RERE: variants seen among roughly 807,000 people sequenced by gnomAD.
RERE encodes arginine-glutamic acid dipeptide repeats, also known as arginine-glutamic acid dipeptide repeats protein.
A neutral mutation model predicts 146.1 loss-of-function variants in RERE; 40 were observed. That is an observed-to-expected ratio of 0.27 (90% CI 0.21 to 0.36). RERE has a LOEUF of 0.36. Among genes scored for constraint, RERE ranks in the 10% least tolerant of loss-of-function variants. The pLI, the probability that RERE is intolerant of heterozygous loss-of-function variation, is 1.00. For missense variants in RERE, 1,933 were observed against 2,138.7 expected (o/e 0.90, Z 1.90); for synonymous variants, 1,003 against 866.0 (o/e 1.16, Z -2.78).
intron 1 of RERE, among the ~76,000 whole-genome samples, chr1:8,667,021 C>G (rs1255250190): frequency 6.6e-6 from 1 of 152,204 alleles, no homozygotes; most frequent in East Asian, 1.9e-4. Flanking sequence ...TTTGTGGTAT[C>G]AGAGCAGAAG....
intron 12 of RERE, among the ~76,000 whole-genome samples, chr1:8,378,141 C>T (rs1259933279): frequency 2.0e-5 from 3 of 152,124 alleles, no homozygotes; most frequent in African/African-American, 4.8e-5. Context: ...ATAAAAGGAG[C>T]GGAAACAAAA....
At chr1:8,610,862 CT>C (rs1448964195) in intron 4 of RERE, among the ~76,000 whole-genome samples, 1 of 150,924 alleles carries the variant, frequency 6.6e-6, no homozygotes, top group African/African-American at 2.4e-5. Context: ...AAAAAGTTCC[CT>C]AATGGAAAAT....
At chr1:8,739,997 T>C (rs763068048) in intron 1 of RERE, among the ~76,000 whole-genome samples, 95 of 152,208 alleles carry the variant, frequency 6.2e-4, no homozygotes, top group Admixed American at 1.4e-3. Context: ...CTTCCTTCTT[T>C]CCCCTATTGC....
rs868022464 is a variant in RERE at position 8,731,960 on chromosome 1, G to A, written c.-144-75519C>T. On this transcript the variant is annotated intron_variant, in intron 1 of 22. Transcript: ENST00000400908. Reference sequence around the variant, plus strand: ...TGGGACTACAGGCACACACTGCCACGCCCGGCTAATTTTTTTGTATTTTTA... The same window carrying A: ...TGGGACTACAGGCACACACTGCCACACCCGGCTAATTTTTTTGTATTTTTA... Among the ~76,000 whole-genome samples the A allele has an allele frequency of 3.9e-5, 6 of 152,120 alleles. No homozygotes were observed. The East Asian group carries it at 7.7e-4, about 20-fold the overall frequency.
At chr1:8,797,984 C>T (rs1340121924) in intron 1 of RERE, among the ~76,000 whole-genome samples, 3 of 152,184 alleles carry the variant, frequency 2.0e-5, no homozygotes, top group Non-Finnish European at 4.4e-5. Context: ...CTAGGCCAGG[C>T]GCAGTGGCTC....
intron 18 of RERE, 37 bp from the exon 19 acceptor site, chr1:8,360,023 C>T (rs766601081): frequency 2.0e-5 from 32 of 1,607,082 alleles, no homozygotes; most frequent in Non-Finnish European, 2.5e-5. Context: ...GAGCTCCTGC[C>T]GAGACCCACC....
intron 1 of RERE, among the ~76,000 whole-genome samples, chr1:8,699,168 A>G (rs1639395915): frequency 1.3e-5 from 2 of 152,190 alleles, no homozygotes; most frequent in South Asian, 4.1e-4. Flanking sequence ...TATGTTAACT[A>G]TTCACTGTTT....
intron 1 of RERE, among the ~76,000 whole-genome samples, chr1:8,738,331 G>C (rs1009667621): frequency 6.6e-6 from 1 of 151,824 alleles, no homozygotes; most frequent in Non-Finnish European, 1.5e-5. Context: ...CACTCAGGCT[G>C]GAGTGCAGTG....
intron 1 of RERE, among the ~76,000 whole-genome samples, chr1:8,760,448 G>T (rs1232604384): frequency 6.6e-6 from 1 of 152,186 alleles, no homozygotes; most frequent in African/African-American, 2.4e-5. Context: ...AAAGAGTCCT[G>T]GGTCAGTAGT....
intron 2 of RERE, among the ~76,000 whole-genome samples, chr1:8,654,739 T>TG (rs905273629): frequency 3.3e-5 from 5 of 151,856 alleles, no homozygotes; most frequent in Non-Finnish European, 7.4e-5. Flanking sequence ...ACTCAAGTGA[T>TG]GCTCCTGCCT....
intron 4 of RERE, among the ~76,000 whole-genome samples, chr1:8,569,362 T>C (rs1646192217): frequency 1.3e-5 from 2 of 152,066 alleles, no homozygotes; most frequent in South Asian, 4.1e-4. Flanking sequence ...TATTATTCAT[T>C]TGGAGGGAAT....
At chr1:8,804,546 C>T (rs1207282800) in intron 1 of RERE, among the ~76,000 whole-genome samples, 1 of 152,152 alleles carries the variant, frequency 6.6e-6, no homozygotes, top group African/African-American at 2.4e-5. Context: ...ATAGTAATTT[C>T]CAGCACAGAA....
intron 1 of RERE, among the ~76,000 whole-genome samples, chr1:8,776,820 G>A (rs576954424): frequency 1.3e-5 from 2 of 152,156 alleles, no homozygotes; most frequent in Non-Finnish European, 2.9e-5. Context: ...CCCGGGATCA[G>A]GTGATCCTCC....
At chr1:8,612,605 A>AATGTT (rs1646805466) in intron 4 of RERE, among the ~76,000 whole-genome samples, 1 of 152,234 alleles carries the variant, frequency 6.6e-6, no homozygotes, top group Admixed American at 6.5e-5. Context: ...CAAAAAAATT[A>AATGTT]ATGTTATTAT....
intron 1 of RERE, among the ~76,000 whole-genome samples, chr1:8,785,216 A>T (rs918881381): frequency 1.3e-5 from 2 of 152,244 alleles, no homozygotes; most frequent in African/African-American, 4.8e-5. Context: ...AAAGCGTAAC[A>T]ATGAAAGGCA....
At chr1:8,418,624 TTCAAATAA>T (rs1643842007) in intron 12 of RERE, among the ~76,000 whole-genome samples, 1 of 152,206 alleles carries the variant, frequency 6.6e-6, no homozygotes, top group Non-Finnish European at 1.5e-5. Flanking sequence ...AAGTCTTTGG[TTCAAATAA>T]CTGATATGTC....
Position 8,364,204 on chromosome 1 carries a change from T to G in RERE, c.1592A>C (p.Asp531Ala), listed in dbSNP as rs975031977. 2 of 1,614,100 alleles carry G rather than the reference T, an allele frequency of 1.2e-6. No individual in the cohort carries two copies. The stretch of plus-strand genomic sequence containing the variant: ...GTATTTCTTGAAGTGGATGCGACAG[T>G]CGGTGCAAAGCAGGATGTTCTCCCG... ...GGRENILLCT[D>A]CRIHFKKYGE... is the part of the protein sequence containing the mutation. Residue 531 changes from aspartate to alanine, a missense_variant, in exon 15 of 23, where the codon GAC (aspartate) becomes GCC (alanine). By Grantham distance (126) the Asp-to-Ala change is moderately radical. Transcript: ENST00000400908. This position sits in a 1 kb window ranked among gnomAD's most constrained non-coding sequence, Gnocchi z 5.1.
chr1:8,599,399 A>C (rs1646594757), intron 4 of RERE, among the ~76,000 whole-genome samples: 1 of 152,212 alleles, frequency 6.6e-6, no homozygotes, highest in African/African-American at 2.4e-5. Context: ...TACCACGCAA[A>C]TATATTTGAT....
At chr1:8,621,255 G>T (rs1646912616) in intron 3 of RERE, among the ~76,000 whole-genome samples, 1 of 152,098 alleles carries the variant, frequency 6.6e-6, no homozygotes, top group Admixed American at 6.6e-5. Context: ...GATTCTAAGG[G>T]AATGCAGCAG....
Sources: allele counts gnomAD v4.1 joint callset (sites outside exome capture counted in the v4.1 genomes callset), GRCh38; gene constraint gnomAD v4.1.1; non-coding constraint Gnocchi (gnomAD v3.1); transcripts MANE v1.5; gene names NCBI Gene and HGNC (gene_info 2026-07-23, HGNC 2026-07-21).